Variants in CLNK observed in about 807,000 individuals in gnomAD.
The protein encoded by CLNK is cytokine-dependent hematopoietic cell linker.
In CLNK, 74 loss-of-function variants were observed where a neutral mutation model predicts 68.6. The observed-to-expected ratio is 1.08, with a 90% CI of 0.89 to 1.31. The LOEUF (loss-of-function observed/expected upper bound fraction) is 1.31, where lower values mean the gene tolerates loss of function less well. Ranked by LOEUF, CLNK falls within the 50% of genes most tolerant of loss-of-function variation. The probability of loss-of-function intolerance (pLI) is 0.00; values close to 1 mark genes in which losing one functional copy is unlikely to be tolerated. For missense variants in CLNK, 553 were observed against 515.3 expected (o/e 1.07, Z -0.71); for synonymous variants, 198 against 172.2 (o/e 1.15, Z -1.17).
At chr4:10,652,474 G>T (rs1281646855) in intron 2 of CLNK, among the ~76,000 whole-genome samples, 1 of 149,084 alleles carries the variant, frequency 6.7e-6, no homozygotes, top group Non-Finnish European at 1.5e-5. Flanking sequence ...TACCAAAAAT[G>T]TAAGAATAGA....
intron 2 of CLNK, among the ~76,000 whole-genome samples, chr4:10,604,463 C>A (rs1300425724): frequency 2.0e-5 from 3 of 152,100 alleles, no homozygotes; most frequent in Admixed American, 6.5e-5. Flanking sequence ...TCTCCTTGAG[C>A]AACTAAAGGA....
At chr4:10,646,914 T>C (rs929864064) in intron 2 of CLNK, among the ~76,000 whole-genome samples, 1 of 152,238 alleles carries the variant, frequency 6.6e-6, no homozygotes, top group Non-Finnish European at 1.5e-5. Flanking sequence ...ACCAAGACTT[T>C]TGCTGTTAAG....
At chr4:10,624,111 T>C (rs1273207078) in intron 2 of CLNK, among the ~76,000 whole-genome samples, 1 of 152,192 alleles carries the variant, frequency 6.6e-6, no homozygotes, top group African/African-American at 2.4e-5. Context: ...AGCCCGAGTG[T>C]TTTAGGTTTA....
chr4:10,505,242 A>G (rs1417228347), intron 17 of CLNK, among the ~76,000 whole-genome samples: 2 of 152,130 alleles, frequency 1.3e-5, no homozygotes, highest in African/African-American at 2.4e-5. Flanking sequence ...GCATCAGCCA[A>G]CCACCCACGG....
intron 8 of CLNK, among the ~76,000 whole-genome samples, chr4:10,542,678 GTGTGTA>G (rs1284397964): frequency 4.5e-4 from 67 of 149,172 alleles, no homozygotes; most frequent in African/African-American, 1.3e-3. Flanking sequence ...GTGTGTGTGT[GTGTGTA>G]TATATATATA....
At chr4:10,560,305 A>C (rs1267449843) in intron 7 of CLNK, among the ~76,000 whole-genome samples, 1 of 152,270 alleles carries the variant, frequency 6.6e-6, no homozygotes, top group Non-Finnish European at 1.5e-5. Context: ...GTACATGCTC[A>C]ATAAATAGAA....
chr4:10,597,528 C>T (rs1042461312), intron 3 of CLNK, among the ~76,000 whole-genome samples: 2 of 152,320 alleles, frequency 1.3e-5, no homozygotes, highest in Admixed American at 6.5e-5. Context: ...ACCATAACCA[C>T]TCAGCAAATG....
chr4:10,679,820 C>T (rs1481938673), intron 1 of CLNK, among the ~76,000 whole-genome samples: 6 of 152,060 alleles, frequency 3.9e-5, no homozygotes, highest in East Asian at 1.9e-4. Flanking sequence ...CAATGAGATA[C>T]CATCTCACAC....
intron 2 of CLNK, among the ~76,000 whole-genome samples, chr4:10,664,893 A>G (rs190302609): frequency 5.2e-4 from 79 of 152,320 alleles, no homozygotes; most frequent in Admixed American, 8.5e-4. Context: ...GTACTGATGG[A>G]GGCGTTCTAA....
At chr4:10,692,854 G>C in the CLNK span, among the ~76,000 whole-genome samples, 1 of 152,204 alleles carries the variant, frequency 6.6e-6, no homozygotes, top group Non-Finnish European at 1.5e-5. Flanking sequence ...AGATGGAAAA[G>C]AGGAAAAGAA....
chr4:10,581,732 G>A (rs949466078), intron 4 of CLNK, among the ~76,000 whole-genome samples: 13 of 152,162 alleles, frequency 8.5e-5, no homozygotes, highest in African/African-American at 2.4e-4. Context: ...ATGGATGGGT[G>A]AGTGGGTGAA....
chr4:10,542,382 G>T, intron 8 of CLNK, 102 bp from the exon 9 acceptor site: 1 of 771,978 alleles, frequency 1.3e-6, no homozygotes, highest in Non-Finnish European at 2.1e-6. Flanking sequence ...TAATAATATT[G>T]GTGATAACGT....
intron 1 of CLNK, among the ~76,000 whole-genome samples, chr4:10,678,307 T>C (rs1724953098): frequency 2.6e-5 from 4 of 152,246 alleles, no homozygotes; most frequent in East Asian, 1.9e-4. Flanking sequence ...CCAAGTAAGA[T>C]GATGAAAGTG....
chr4:10,718,823 A>C, the CLNK span, among the ~76,000 whole-genome samples: 17 of 152,188 alleles, frequency 1.1e-4, no homozygotes, highest in African/African-American at 3.8e-4. Flanking sequence ...CAAAAATTAC[A>C]ACCCGTCTAA....
chr4:10,634,775 A>G (rs1560254554), intron 2 of CLNK, among the ~76,000 whole-genome samples: 1 of 152,124 alleles, frequency 6.6e-6, no homozygotes, highest in African/African-American at 2.4e-5. Context: ...CTTCAGGTTC[A>G]TTCAGATTAG....
the CLNK span, among the ~76,000 whole-genome samples, chr4:10,699,466 G>GTCTCTGTC: frequency 5.3e-4 from 32 of 60,572 alleles, no homozygotes; most frequent in African/African-American, 9.7e-4. Context: ...CATCCTCTCT[G>GTCTCTGTC]TCTCTCTCTC....
intron 4 of CLNK, among the ~76,000 whole-genome samples, chr4:10,578,813 C>G (rs913652194): frequency 1.2e-4 from 18 of 152,042 alleles, no homozygotes; most frequent in Admixed American, 7.9e-4. Flanking sequence ...TTCAAGTAAT[C>G]CACCTGCCTC....
chr4:10,699,514 T>TATATATATATTTTA, the CLNK span, among the ~76,000 whole-genome samples: 1 of 18,468 alleles, frequency 5.4e-5, no homozygotes, highest in African/African-American at 1.9e-4. Flanking sequence ...ATATATATAT[T>TATATATATATTTTA]TTTTTTTTTT....
intron 2 of CLNK, among the ~76,000 whole-genome samples, chr4:10,645,652 G>A (rs1723478764): frequency 6.6e-6 from 1 of 152,098 alleles, no homozygotes; most frequent in South Asian, 2.1e-4. Flanking sequence ...TGGCACATAT[G>A]CACACATAGA....
Sources: gnomAD v4.1 joint callset for allele counts (sites outside exome capture counted in the v4.1 genomes callset) on GRCh38, gnomAD v4.1.1 for gene constraint, MANE v1.5 for transcripts, NCBI Gene and HGNC (gene_info 2026-07-23, HGNC 2026-07-21) for gene names.